The following COL24A1 variants were observed in gnomAD, a reference collection of about 807,000 sequenced individuals.
COL24A1 encodes the protein collagen type XXIV alpha 1 chain.
Under a neutral mutation model 253.9 loss-of-function variants are expected in COL24A1, and 224 were observed. The ratio of observed to expected loss-of-function variants is 0.88; its 90% confidence interval spans 0.79 to 0.99. The LOEUF is 0.99. Ranked by LOEUF, COL24A1 falls within the 50% of genes least tolerant of loss-of-function variation. COL24A1 has a pLI of 0.00. For missense variants in COL24A1, 2,131 were observed against 2,068.5 expected, an observed-to-expected ratio of 1.03 and a Z score of -0.59; for synonymous variants, 685 against 673.7, an observed-to-expected ratio of 1.02 and a Z score of -0.26.
At chr1:86,142,556 AC>A (rs1243493592) in intron 2 of COL24A1, among the ~76,000 whole-genome samples, 3 of 151,752 alleles carry the variant, frequency 2.0e-5, no homozygotes, top group Admixed American at 6.6e-5. Context: ...AACAAAAAAA[AC>A]AATTTAAACA....
chr1:85,914,031 C>T (rs1685622020), intron 24 of COL24A1, among the ~76,000 whole-genome samples: 1 of 151,786 alleles, frequency 6.6e-6, no homozygotes, highest in Non-Finnish European at 1.5e-5. Flanking sequence ...GCAGAGCCCT[C>T]ATGACCTAAT....
intron 28 of COL24A1, among the ~76,000 whole-genome samples, chr1:85,899,424 C>T (rs1684063731): frequency 1.3e-5 from 2 of 152,056 alleles, no homozygotes; most frequent in South Asian, 4.2e-4. Flanking sequence ...ATAACAGCAT[C>T]AATAGAAAAC....
intron 7 of COL24A1, among the ~76,000 whole-genome samples, chr1:86,085,954 A>G (rs887591370): frequency 1.3e-5 from 2 of 152,034 alleles, no homozygotes; most frequent in East Asian, 1.9e-4. Context: ...CTCTATCTCA[A>G]TTTCACTTTC....
In COL24A1 at chr1:86,125,842, G is replaced by C. The variant is rs1301406198; in HGVS notation, c.494C>G (p.Ser165Ter). The C allele has an allele frequency of 6.2e-7, 1 of 1,613,162 alleles. No homozygotes were observed. Among genetic ancestry groups the C allele is most frequent in the Non-Finnish European group, 8.5e-7 (1 of 1,179,708 alleles). The change falls in exon 3 of 60, where the codon TCA (serine) becomes TGA (stop). Residue 165 changes from serine to a stop codon, truncating the protein, a stop_gained. Transcript: ENST00000370571. LOFTEE classifies it high-confidence loss of function. ...NYSVHDEQWH[S>*]FAITIRNQSV... is the part of the protein sequence containing the mutation. ...TTGGTTTCTAATAGTAATGGCAAATGAGTGCCATTGCTCATCATGAACACT... is the reference window on the plus strand; with the variant it reads ...TTGGTTTCTAATAGTAATGGCAAATCAGTGCCATTGCTCATCATGAACACT...
intron 1 of COL24A1, among the ~76,000 whole-genome samples, chr1:86,147,416 G>T (rs1652039684): frequency 6.6e-6 from 1 of 152,142 alleles, no homozygotes; most frequent in African/African-American, 2.4e-5. Context: ...ATAAGACAAG[G>T]TTTCGATAGA....
chr1:85,912,777 C>A (rs12752474), intron 24 of COL24A1, among the ~76,000 whole-genome samples: 30,210 of 151,986 alleles, frequency 0.2, 3,326 homozygotes, highest in Non-Finnish European at 0.24. Context: ...CTATTGAGCA[C>A]TTGAAATGTG....
At position 85,838,664 on chromosome 1, in the gene COL24A1, C is replaced by CA. The variant is rs752475598; in HGVS notation, c.3628-27dup. ...CTACAGAGACCACACACAAAACAATCAGTTTTACAGCTGGATCAAAGTATA... is the reference window on the plus strand; with the variant it reads ...CTACAGAGACCACACACAAAACAATCAAGTTTTACAGCTGGATCAAAGTATA... On this transcript the variant is annotated intron_variant, in intron 42 of 59. Coordinates refer to ENST00000370571, the MANE Select transcript of COL24A1 (RefSeq NM_152890.7). 3.1e-6 allele frequency: 5 copies of CA among 1,608,282 alleles called. No homozygotes were observed. The African/African-American group carries it at 6.7e-5, about 21-fold the overall frequency.
chr1:85,769,768 T>C (rs907489301), intron 53 of COL24A1, among the ~76,000 whole-genome samples: 5 of 152,196 alleles, frequency 3.3e-5, no homozygotes. Context: ...TGTGCTTTAA[T>C]GTTGTCCATG....
At chr1:85,919,371 T>A (rs1420417111) in intron 24 of COL24A1, among the ~76,000 whole-genome samples, 1 of 152,162 alleles carries the variant, frequency 6.6e-6, no homozygotes, top group Admixed American at 6.5e-5. Flanking sequence ...AAGAGATAGA[T>A]GGAGCCACAA....
intron 20 of COL24A1, among the ~76,000 whole-genome samples, chr1:85,976,601 G>T (rs1197686126): frequency 6.6e-6 from 1 of 152,052 alleles, no homozygotes; most frequent in Admixed American, 6.5e-5. Flanking sequence ...TTATGGCCTT[G>T]CCCATCACCT....
intron 20 of COL24A1, among the ~76,000 whole-genome samples, chr1:85,979,913 T>A (rs1469973025): frequency 6.6e-6 from 1 of 152,124 alleles, no homozygotes; most frequent in East Asian, 1.9e-4. Flanking sequence ...ATATCCCTGA[T>A]GAATATAGAT....
chr1:86,089,216 GCCTTGATCAC>G lies in COL24A1; in HGVS notation c.1655_1664del (p.Gly552AlafsTer5). 6.3e-7 allele frequency: 1 copy of G among 1,586,874 alleles called. No individual in the cohort carries two copies. ...CAGGGGGGCCCATTAATCCAGAAAG[GCCTTGATCAC>G]CCTATAAACAAAATACAGACGTTTA... On this transcript the variant is annotated frameshift_variant and splice_region_variant, in exon 7 of 60. Transcript: ENST00000370571. LOFTEE classifies it high-confidence loss of function.
intron 35 of COL24A1, among the ~76,000 whole-genome samples, chr1:85,870,069 T>G (rs1309084251): frequency 6.6e-6 from 1 of 151,910 alleles, no homozygotes; most frequent in East Asian, 1.9e-4. Flanking sequence ...TAAAAAGACT[T>G]TAAACCAACA....
At chr1:85,760,068 T>TG (rs1666690066) in intron 55 of COL24A1, among the ~76,000 whole-genome samples, 1 of 151,142 alleles carries the variant, frequency 6.6e-6, no homozygotes, top group African/African-American at 2.4e-5. Context: ...GTTTTTTTTT[T>TG]TTTTTTGTTT....
intron 1 of COL24A1, among the ~76,000 whole-genome samples, chr1:86,150,221 C>A (rs922953943): frequency 1.5e-4 from 23 of 152,184 alleles, no homozygotes; most frequent in African/African-American, 5.5e-4. Context: ...GGGAATGAAT[C>A]TTTCCCCCAC....
At chr1:85,922,628 T>G (rs2103019598) in intron 24 of COL24A1, among the ~76,000 whole-genome samples, 2 of 152,308 alleles carry the variant, frequency 1.3e-5, no homozygotes, top group East Asian at 3.9e-4. Flanking sequence ...CTGAGAGATT[T>G]TGTCACCACC....
At chr1:86,077,092 A>T in intron 7 of COL24A1, among the ~76,000 whole-genome samples, 1 of 152,234 alleles carries the variant, frequency 6.6e-6, no homozygotes, top group East Asian at 1.9e-4. Context: ...CAATCTATCC[A>T]TCTGACAAAG....
chr1:85,885,397 A>ATATATATTTTTT lies in COL24A1; in HGVS notation c.2976+4162_2976+4163insAAAAAATATATA, dbSNP rs60994639. ...TGTGTGTATATATATATATATATAT[A>ATATATATTTTTT]TTTTTTTTTTAAGTAGAAACTAAAT... On this transcript the variant is annotated intron_variant, in intron 32 of 59. Coordinates refer to ENST00000370571, the MANE Select transcript of COL24A1 (RefSeq NM_152890.7). Among the ~76,000 whole-genome samples, 912 of 128,794 alleles carry ATATATATTTTTT rather than the reference A, an allele frequency of 7.1e-3. 9 individuals are homozygous for ATATATATTTTTT. The highest frequency in any genetic ancestry group is 0.01 in the Non-Finnish European group (645 of 62,036). 84.5% of individuals were successfully genotyped at this position (128,794 alleles called of 152,430 possible).
intron 10 of COL24A1, among the ~76,000 whole-genome samples, chr1:86,052,269 G>GT (rs1436155792): frequency 6.6e-6 from 1 of 152,116 alleles, no homozygotes; most frequent in East Asian, 1.9e-4. Flanking sequence ...CATTAAAAAA[G>GT]TAATTGTTAT....
Sources: allele counts gnomAD v4.1 joint callset (sites outside exome capture counted in the v4.1 genomes callset), GRCh38; gene constraint gnomAD v4.1.1; transcripts MANE v1.5; gene names NCBI Gene and HGNC (gene_info 2026-07-23, HGNC 2026-07-21).